The following MAP7 variants were observed in gnomAD, a reference collection of about 807,000 sequenced individuals.
The protein encoded by MAP7 is ensconsin.
MAP7 carries 52 observed loss-of-function variants against 94.8 expected under a neutral mutation model. The ratio of observed to expected loss-of-function variants is 0.55; its 90% CI spans 0.44 to 0.69. The LOEUF (loss-of-function observed/expected upper bound fraction) is 0.69. Among genes scored for constraint, MAP7 ranks in the 30% least tolerant of loss-of-function variants. MAP7 has a pLI of 0.00. For missense variants in MAP7, 940 were observed against 964.6 expected (o/e 0.97, Z 0.34); for synonymous variants, 350 against 357.0 (o/e 0.98, Z 0.22).
chr6:136,370,691 G>A (rs1318671143), intron 8 of MAP7, among the ~76,000 whole-genome samples: 1 of 152,088 alleles, frequency 6.6e-6, no homozygotes, highest in Non-Finnish European at 1.5e-5. Flanking sequence ...TCACTTTTAT[G>A]TGGTCTATAA....
chr6:136,526,302 C>G, intron 1 of MAP7: 7 of 1,015,480 alleles, frequency 6.9e-6, no homozygotes, highest in Non-Finnish European at 8.3e-6. Context: ...CACACACACT[C>G]CTTCCAGAAA....
chr6:136,478,793 T>C (rs192564346), intron 1 of MAP7, among the ~76,000 whole-genome samples: 22 of 151,726 alleles, frequency 1.4e-4, no homozygotes, highest in African/African-American at 5.1e-4. Context: ...GAGATCAAAG[T>C]AATAATAAAA....
intron 1 of MAP7, among the ~76,000 whole-genome samples, chr6:136,460,974 T>C (rs895781085): frequency 6.6e-6 from 1 of 152,164 alleles, no homozygotes; most frequent in East Asian, 1.9e-4. Context: ...TCAGTTGCTA[T>C]TGGGTATAGC....
chr6:136,464,808 C>T (rs1806418257), intron 1 of MAP7, among the ~76,000 whole-genome samples: 1 of 152,240 alleles, frequency 6.6e-6, no homozygotes, highest in African/African-American at 2.4e-5. Context: ...TTGCCAGGCA[C>T]TGTTCTACGT....
intron 1 of MAP7, among the ~76,000 whole-genome samples, chr6:136,438,639 A>G (rs1193642261): frequency 6.6e-6 from 1 of 152,204 alleles, no homozygotes; most frequent in Non-Finnish European, 1.5e-5. Flanking sequence ...GCAAGCATGC[A>G]TACAGTCACA....
intron 1 of MAP7, chr6:136,526,025 T>A: frequency 6.8e-7 from 1 of 1,463,416 alleles, no homozygotes. Flanking sequence ...TATGCTTATG[T>A]AATTGCAGCT....
intron 2 of MAP7, among the ~76,000 whole-genome samples, chr6:136,419,074 G>A (rs1172555022): frequency 6.6e-6 from 1 of 152,158 alleles, no homozygotes; most frequent in African/African-American, 2.4e-5. Context: ...TGGCCAATAA[G>A]GGTGGAAGAG....
At chr6:136,366,291 T>G (rs1794301626) in intron 9 of MAP7, 36 bp downstream of exon 9, 3 of 1,531,884 alleles carry the variant, frequency 2.0e-6, no homozygotes, top group Non-Finnish European at 2.7e-6. Flanking sequence ...TTCTCTAACA[T>G]GAAACAACCC....
At chr6:136,438,374 G>A (rs890777790) in intron 1 of MAP7, among the ~76,000 whole-genome samples, 4 of 152,168 alleles carry the variant, frequency 2.6e-5, no homozygotes, top group Non-Finnish European at 5.9e-5. Context: ...AATCTAACCT[G>A]GTTCGACTCC....
At chr6:136,450,369 A>T (rs79349329) in intron 1 of MAP7, among the ~76,000 whole-genome samples, 4,431 of 152,148 alleles carry the variant, frequency 0.029, 100 homozygotes, top group Non-Finnish European at 0.045. Flanking sequence ...ATTTTTTTTT[A>T]AAATGAATTT....
At chr6:136,428,823 C>T (rs1310972740) in intron 1 of MAP7, among the ~76,000 whole-genome samples, 1 of 152,142 alleles carries the variant, frequency 6.6e-6, no homozygotes, top group African/African-American at 2.4e-5. Flanking sequence ...ACCAGAGCAA[C>T]CTCAGGGCAG....
chr6:136,490,317 C>T (rs3799443), intron 1 of MAP7, among the ~76,000 whole-genome samples: 40,785 of 151,978 alleles, frequency 0.27, 7,020 homozygotes, highest in African/African-American at 0.48. Flanking sequence ...AAGGAAAAGC[C>T]ACTTCCATCA....
intron 1 of MAP7, among the ~76,000 whole-genome samples, chr6:136,518,050 G>A (rs3799453): frequency 0.12 from 18,447 of 152,166 alleles, 1,258 homozygotes; most frequent in East Asian, 0.15. Flanking sequence ...CTCAGCTGGT[G>A]ACCTTGAAAG....
rs115038139 is a variant in MAP7, at chr6:136,510,873, C to T, written c.67+39469G>A. ...CGACTGAGGCTCCTAGAAGGACAAGCGGAAGACTACTGCGTATGGAAACAT... is the reference window on the plus strand; with the variant it reads ...CGACTGAGGCTCCTAGAAGGACAAGTGGAAGACTACTGCGTATGGAAACAT... On this transcript the variant is annotated intron_variant, in intron 1 of 17. Coordinates refer to ENST00000354570, the MANE Select transcript of MAP7 (RefSeq NM_003980.6). Among the ~76,000 whole-genome samples, 745 of 151,984 alleles carry T rather than the reference C, an allele frequency of 4.9e-3. 7 individuals carry two copies. The highest frequency in any genetic ancestry group is 0.017 in the African/African-American group (714 of 41,460).
intron 7 of MAP7, among the ~76,000 whole-genome samples, chr6:136,372,897 T>C (rs968290000): frequency 6.6e-6 from 1 of 152,216 alleles, no homozygotes; most frequent in Non-Finnish European, 1.5e-5. Context: ...CTTTGGCTCT[T>C]TAAATACTAA....
In MAP7 at chr6:136,474,092, G is replaced by C. The variant is rs144772950; in HGVS notation, c.68-52293C>G. Among the ~76,000 whole-genome samples the C allele has an allele frequency of 5.3e-3, 812 of 152,226 alleles. 15 individuals carry two copies. The highest frequency in any genetic ancestry group is 0.018 in the African/African-American group (747 of 41,522). ...AGCCAAGAAATGAGTGCTTCAGATA[G>C]AGGGATGAGTAAGGGCAAAGACCCT... On this transcript the variant is annotated intron_variant, in intron 1 of 17. Transcript: ENST00000354570.
chr6:136,469,830 C>T (rs576313812), intron 1 of MAP7, among the ~76,000 whole-genome samples: 78 of 152,290 alleles, frequency 5.1e-4, no homozygotes, highest in Non-Finnish European at 9.7e-4. Flanking sequence ...GTCAAGATCA[C>T]ACAATAATCC....
chr6:136,382,429 G>GT (rs1353937706), intron 6 of MAP7, among the ~76,000 whole-genome samples: 1 of 152,170 alleles, frequency 6.6e-6, no homozygotes, highest in Non-Finnish European at 1.5e-5. Context: ...ATAGACAACT[G>GT]TAAGAGTAAC....
At chr6:136,449,156 A>G (rs568357454) in intron 1 of MAP7, among the ~76,000 whole-genome samples, 27 of 152,114 alleles carry the variant, frequency 1.8e-4, no homozygotes, top group African/African-American at 6.0e-4. Context: ...TTAGCCGGGC[A>G]TGGTGGCGGG....
Sources: gnomAD v4.1 joint callset for allele counts (sites outside exome capture counted in the v4.1 genomes callset) on GRCh38, gnomAD v4.1.1 for gene constraint, MANE v1.5 for transcripts, NCBI Gene and HGNC (gene_info 2026-07-23, HGNC 2026-07-21) for gene names.